The following ACTN2 variants were observed in gnomAD, a reference collection of about 807,000 sequenced individuals.
ACTN2 encodes the protein alpha-actinin-2.
In ACTN2, 39 loss-of-function variants were observed where a neutral mutation model predicts 113.8. That is an observed-to-expected ratio of 0.34 (90% CI 0.27 to 0.45). The LOEUF is 0.45. ACTN2 is among the 20% of genes least tolerant of loss of function. ACTN2 has a pLI of 1.00. For synonymous variants in ACTN2, 429 were observed against 444.1 expected, an observed-to-expected ratio of 0.97 and a Z score of 0.43; for missense variants, 992 against 1,177.9, an observed-to-expected ratio of 0.84 and a Z score of 2.31.
intron 17 of ACTN2, 53 bp downstream of exon 17, chr1:236,755,251 C>A (rs1659521260): frequency 1.2e-6 from 2 of 1,603,638 alleles, no homozygotes; most frequent in South Asian, 2.2e-5. Context: ...GACCATGCCA[C>A]CTCCTCAGGG....
chr1:236,702,842 G>C (rs768296756), intron 1 of ACTN2, among the ~76,000 whole-genome samples: 18 of 152,216 alleles, frequency 1.2e-4, no homozygotes, highest in Admixed American at 4.6e-4. Context: ...GCAATGCAGA[G>C]AATATGGTGT....
intron 17 of ACTN2, among the ~76,000 whole-genome samples, chr1:236,755,650 ACTGCCACCGTTAGAACCC>A (rs1659534263): frequency 6.9e-6 from 1 of 144,862 alleles, no homozygotes; most frequent in Non-Finnish European, 1.5e-5. Flanking sequence ...CAGAGTGCCC[ACTGCCACCGTTAGAACCC>A]TGGTAATAGA....
intron 8 of ACTN2, among the ~76,000 whole-genome samples, chr1:236,736,041 G>T (rs1490404559): frequency 6.6e-6 from 1 of 152,226 alleles, no homozygotes; most frequent in Non-Finnish European, 1.5e-5. Context: ...GGTAAAGGGG[G>T]AATGTGGCAA....
chr1:236,739,480 T>A lies in ACTN2; in HGVS notation c.1055T>A (p.Leu352Gln), dbSNP rs1392451735. ...EINFNTLQTK[L>Q]RISNRPAFMP... The stretch of plus-strand genomic sequence containing the variant: ...AACTTCAACACGCTGCAGACCAAGC[T>A]GCGGATCAGCAACCGTCCTGCCTTC... The change falls in exon 10 of 21, where the codon CTG (leucine) becomes CAG (glutamine). Residue 352 changes from leucine to glutamine, a missense_variant. By Grantham distance (113) the Leu-to-Gln change is moderately radical. Around this residue, in one of 3 missense-constraint regions of ACTN2, gnomAD observed 736 missense variants for 815.4 expected, o/e 0.90. Coordinates refer to ENST00000366578, the MANE Select transcript of ACTN2 (RefSeq NM_001103.4). The A allele has an allele frequency of 2.5e-6, 4 of 1,614,114 alleles. No homozygotes were observed. Among genetic ancestry groups the A allele is most frequent in the Non-Finnish European group, 3.4e-6 (4 of 1,180,020 alleles).
At chr1:236,698,352 A>T (rs973331834) in intron 1 of ACTN2, among the ~76,000 whole-genome samples, 1 of 152,214 alleles carries the variant, frequency 6.6e-6, no homozygotes, top group Non-Finnish European at 1.5e-5. Flanking sequence ...GTTTTAAAAC[A>T]TATTGTAGAT....
chr1:236,738,336 C>T (rs1013866775), intron 9 of ACTN2, among the ~76,000 whole-genome samples: 1 of 152,196 alleles, frequency 6.6e-6, no homozygotes, highest in African/African-American at 2.4e-5. Context: ...GATATTTGGT[C>T]TTTATTGGGA....
intron 1 of ACTN2, among the ~76,000 whole-genome samples, chr1:236,702,432 A>G (rs759561613): frequency 6.6e-6 from 1 of 152,230 alleles, no homozygotes; most frequent in Non-Finnish European, 1.5e-5. Flanking sequence ...ACATTTTAAA[A>G]TTAGAAGTTT....
chr1:236,751,587 A>G lies in ACTN2; in HGVS notation c.1774A>G (p.Arg592Gly). Residue 592 changes from arginine (R) to glycine (G), a missense_variant, in exon 15 of 21, where the codon AGA becomes GGA. Arg to Gly is a moderately radical substitution (Grantham distance 125). Coordinates refer to ENST00000366578, the MANE Select transcript of ACTN2 (RefSeq NM_001103.4). ...GAAGGTGATTCAGAGCTACAACATCAGAATCAGCTCAAGCAACCCGTACAG... is the reference window on the plus strand; with the variant it reads ...GAAGGTGATTCAGAGCTACAACATCGGAATCAGCTCAAGCAACCCGTACAG... Reference protein sequence around the residue: ...VEKVIQSYNIRISSSNPYSTV... With the variant: ...VEKVIQSYNIGISSSNPYSTV... 1.9e-6 allele frequency: 3 copies of G among 1,614,102 alleles called. No individual in the cohort carries two copies. Among genetic ancestry groups the G allele is most frequent in the Non-Finnish European group, 2.5e-6 (3 of 1,179,962 alleles).
At chr1:236,733,591 C>CG (rs1658775611) in intron 7 of ACTN2, among the ~76,000 whole-genome samples, 1 of 152,202 alleles carries the variant, frequency 6.6e-6, no homozygotes, top group Non-Finnish European at 1.5e-5. Context: ...AAGAATCTTC[C>CG]GGCAAACAGT....
chr1:236,752,210 A>G (rs976713059), intron 15 of ACTN2, among the ~76,000 whole-genome samples: 1 of 152,170 alleles, frequency 6.6e-6, no homozygotes, highest in Non-Finnish European at 1.5e-5. Context: ...AGATTGGGAC[A>G]TTTCTTTTCA....
At chr1:236,724,949 T>C (rs561060006) in intron 4 of ACTN2, among the ~76,000 whole-genome samples, 1 of 151,804 alleles carries the variant, frequency 6.6e-6, no homozygotes, top group Admixed American at 6.6e-5. Context: ...ACATTTGAGA[T>C]GTGGTAGCAT....
chr1:236,735,639 C>T lies in ACTN2; in HGVS notation c.702C>T (p.Ile234=), dbSNP rs751046389. 6 of 1,614,010 alleles carry T rather than the reference C, an allele frequency of 3.7e-6. No homozygotes were observed. The highest frequency in any genetic ancestry group is 1.1e-5 in the South Asian group (1 of 91,074). The change falls in exon 8 of 21, where the codon ATC becomes ATT. Residue 234 remains isoleucine, a synonymous_variant. Transcript: ENST00000366578. ...TGTTATTTTCTCCCCCTTCAGACAT[C>T]GTGAACACCCCTAAACCCGATGAAA... ...DIPKMLDAED[I]VNTPKPDERA...
intron 6 of ACTN2, 54 bp downstream of exon 6, chr1:236,727,810 C>G: frequency 3.2e-6 from 5 of 1,559,532 alleles, no homozygotes; most frequent in Non-Finnish European, 4.4e-6. Flanking sequence ...CTCAGCATGT[C>G]CTGCAAATGA....
rs745961359 is a variant in ACTN2, at chr1:236,735,762, G to C, written c.783+42G>C. On this transcript the variant is annotated intron_variant, in intron 8 of 20. Transcript: ENST00000366578. ...CGTCCGGGCTGTTGTGTTACTCTCTGTTGGTTTTAGTTGTGTGTGCATACT... is the reference window on the plus strand; with the variant it reads ...CGTCCGGGCTGTTGTGTTACTCTCTCTTGGTTTTAGTTGTGTGTGCATACT... The C allele has an allele frequency of 3.2e-5, 49 of 1,540,518 alleles. 1 individual carries two copies. The South Asian group carries it at 5.5e-4, about 17-fold the overall frequency.
In ACTN2 at chr1:236,742,943, C is replaced by T. The variant is rs532155333; in HGVS notation, c.1155C>T (p.Tyr385=). Residue 385 remains tyrosine, a synonymous_variant, in exon 11 of 21, where the codon TAC becomes TAT. Coordinates refer to ENST00000366578, the MANE Select transcript of ACTN2 (RefSeq NM_001103.4). ...GGCTGGAGCAGGCTGAGAAGGGTTA[C>T]GAGGAGTGGTTGCTCAATGAGATTC... is the stretch of plus-strand genomic sequence containing the variant. ...WQRLEQAEKG[Y]EEWLLNEIRR... 4.8e-5 allele frequency: 78 copies of T among 1,614,150 alleles called. No individual in the cohort carries two copies. The highest frequency in any genetic ancestry group is 1.8e-4 in the South Asian group (16 of 91,076).
intron 7 of ACTN2, among the ~76,000 whole-genome samples, chr1:236,735,297 G>A (rs576438739): frequency 1.2e-4 from 18 of 152,286 alleles, no homozygotes; most frequent in African/African-American, 4.3e-4. Flanking sequence ...GAGGACCGGA[G>A]TCACGAGGAA....
chr1:236,737,924 C>A (rs1448271932), intron 9 of ACTN2, among the ~76,000 whole-genome samples: 1 of 152,230 alleles, frequency 6.6e-6, no homozygotes, highest in Non-Finnish European at 1.5e-5. Context: ...GGCCCCCAGC[C>A]ACCTCCTCTC....
chr1:236,732,239 G>A (rs567328132), intron 7 of ACTN2, among the ~76,000 whole-genome samples: 2 of 152,102 alleles, frequency 1.3e-5, no homozygotes, highest in East Asian at 3.9e-4. Context: ...AAATTTCATA[G>A]CTCTGGAGGC....
At position 236,735,616 on chromosome 1, in the gene ACTN2, T is replaced by C; in HGVS notation, c.698-19T>C. ...TGTGTGTGTGTGCGCGCGTCCTGTG[T>C]TATTTTCTCCCCCTTCAGACATCGT... is the stretch of plus-strand genomic sequence containing the variant. On this transcript the variant is annotated intron_variant, in intron 7 of 20. Coordinates refer to ENST00000366578, the MANE Select transcript of ACTN2 (RefSeq NM_001103.4). The C allele has an allele frequency of 6.2e-7, 1 of 1,609,296 alleles. No individual in the cohort carries two copies. The highest frequency in any genetic ancestry group is 1.1e-5 in the South Asian group (1 of 90,990).
Sources: gnomAD v4.1 joint callset for allele counts (sites outside exome capture counted in the v4.1 genomes callset) on GRCh38, gnomAD v4.1.1 for gene constraint, gnomAD v4.1.1 regional missense constraint, MANE v1.5 for transcripts, NCBI Gene and HGNC (gene_info 2026-07-23, HGNC 2026-07-21) for gene names.